Variants in MACROD2 observed in about 807,000 individuals in gnomAD.
MACROD2 encodes mono-ADP ribosylhydrolase 2.
MACROD2 carries 36 observed loss-of-function variants against 70.4 expected under a neutral mutation model. The ratio of observed to expected loss-of-function variants is 0.51; its 90% confidence interval spans 0.39 to 0.68. MACROD2 has a LOEUF of 0.68. Among genes scored for constraint, MACROD2 ranks in the 30% least tolerant of loss-of-function variants. The pLI is 0.00. For missense variants in MACROD2, 496 were observed against 538.4 expected (o/e 0.92, Z 0.78); for synonymous variants, 172 against 178.8 (o/e 0.96, Z 0.30).
intron 13 of MACROD2, among the ~76,000 whole-genome samples, chr20:15,971,074 C>T (rs975022068): frequency 6.6e-6 from 1 of 152,114 alleles, no homozygotes; most frequent in African/African-American, 2.4e-5. Context: ...ACCAGGCATG[C>T]AAAGAATTAT....
intron 5 of MACROD2, among the ~76,000 whole-genome samples, chr20:15,013,518 G>A (rs1037516874): frequency 2.0e-5 from 3 of 152,190 alleles, no homozygotes; most frequent in Admixed American, 6.5e-5. Flanking sequence ...GAGAGCTACC[G>A]TGCGCAAGGC....
chr20:14,575,695 A>C (rs1488447675), intron 4 of MACROD2, among the ~76,000 whole-genome samples: 1 of 152,218 alleles, frequency 6.6e-6, no homozygotes, highest in Non-Finnish European at 1.5e-5. Flanking sequence ...ACATTTTATA[A>C]ATAAAATTTT....
At chr20:14,625,730 A>G (rs1054347272) in intron 4 of MACROD2, among the ~76,000 whole-genome samples, 2 of 152,178 alleles carry the variant, frequency 1.3e-5, no homozygotes, top group Non-Finnish European at 2.9e-5. Context: ...TTGTCAATGA[A>G]TATCATCAGC....
chr20:15,651,127 C>T (rs190052488), intron 8 of MACROD2, among the ~76,000 whole-genome samples: 82 of 152,290 alleles, frequency 5.4e-4, no homozygotes, highest in African/African-American at 1.8e-3. Flanking sequence ...TTGGTAAACA[C>T]CAACTTCTGA....
At chr20:15,452,043 T>A (rs538978246) in intron 7 of MACROD2, among the ~76,000 whole-genome samples, 1 of 152,278 alleles carries the variant, frequency 6.6e-6, no homozygotes, top group East Asian at 1.9e-4. Flanking sequence ...TAACGGAGTG[T>A]CTGTCTGTGC....
chr20:14,588,817 C>A (rs1231475688), intron 4 of MACROD2, among the ~76,000 whole-genome samples: 1 of 152,144 alleles, frequency 6.6e-6, no homozygotes, highest in Admixed American at 6.6e-5. Flanking sequence ...GAGCATGTAG[C>A]ATTTTATAAA....
intron 5 of MACROD2, among the ~76,000 whole-genome samples, chr20:15,210,710 C>A (rs1431650596): frequency 6.6e-6 from 1 of 152,074 alleles, no homozygotes; most frequent in African/African-American, 2.4e-5. Flanking sequence ...CCTTGCTCTT[C>A]CTGTGATAGT....
chr20:14,915,930 G>A (rs2074086155), intron 5 of MACROD2, among the ~76,000 whole-genome samples: 1 of 151,996 alleles, frequency 6.6e-6, no homozygotes, highest in Admixed American at 6.6e-5. Context: ...ATGGTAAACA[G>A]GTCTCATTTC....
chr20:14,552,082 G>A (rs1978689506), intron 4 of MACROD2, among the ~76,000 whole-genome samples: 1 of 151,482 alleles, frequency 6.6e-6, no homozygotes, highest in African/African-American at 2.4e-5. Flanking sequence ...AATGACAAAG[G>A]CTTCTCCTCA....
intron 8 of MACROD2, among the ~76,000 whole-genome samples, chr20:15,510,045 T>C (rs563322561): frequency 1.6e-4 from 24 of 152,304 alleles, no homozygotes; most frequent in East Asian, 1.5e-3. Flanking sequence ...ATCTTTAGAG[T>C]TGATATTAAC....
At chr20:14,575,892 C>T (rs1338092323) in intron 4 of MACROD2, among the ~76,000 whole-genome samples, 1 of 152,106 alleles carries the variant, frequency 6.6e-6, no homozygotes, top group Non-Finnish European at 1.5e-5. Context: ...ATTTATCTTT[C>T]TGTCGAACAA....
At chr20:15,626,840 A>G (rs1418025984) in intron 8 of MACROD2, among the ~76,000 whole-genome samples, 1 of 152,030 alleles carries the variant, frequency 6.6e-6, no homozygotes, top group African/African-American at 2.4e-5. Context: ...GGGCAACAGA[A>G]CAAGACTCCA....
chr20:14,318,107 G>A (rs553361426), intron 3 of MACROD2, among the ~76,000 whole-genome samples: 2 of 152,152 alleles, frequency 1.3e-5, no homozygotes, highest in Non-Finnish European at 1.5e-5. Flanking sequence ...TTCCAGCAGT[G>A]ATTCCATGCT....
At chr20:15,479,050 A>G (rs908099973) in intron 7 of MACROD2, among the ~76,000 whole-genome samples, 7 of 152,214 alleles carry the variant, frequency 4.6e-5, no homozygotes, top group Non-Finnish European at 2.9e-5. Flanking sequence ...GTAAAGCACT[A>G]AAGACTTCCT....
intron 5 of MACROD2, among the ~76,000 whole-genome samples, chr20:14,837,625 AAG>A (rs2073043683): frequency 6.6e-6 from 1 of 152,086 alleles, no homozygotes; most frequent in Non-Finnish European, 1.5e-5. Flanking sequence ...TACTTGAGAT[AAG>A]AGTGACCATA....
chr20:15,249,403 G>A lies in MACROD2; in HGVS notation c.540+19342G>A, dbSNP rs117545500. 4.1e-4 allele frequency among the ~76,000 whole-genome samples: 63 copies of A among 152,244 alleles called. 1 individual carries two copies. The East Asian group carries it at 0.012, about 28-fold the overall frequency. The stretch of plus-strand genomic sequence containing the variant: ...ACTTTAAGGTTTTTAAAATTTCTTT[G>A]TAACTTTTTGCACATCCTGCCAGAA... On this transcript the variant is annotated intron_variant, in intron 6 of 17. Coordinates refer to ENST00000684519, the MANE Select transcript of MACROD2 (RefSeq NM_001351661.2).
intron 5 of MACROD2, among the ~76,000 whole-genome samples, chr20:15,052,620 C>T (rs796604856): frequency 9.8e-5 from 15 of 152,292 alleles, no homozygotes; most frequent in African/African-American, 3.4e-4. Flanking sequence ...CTCCACTGAC[C>T]TGTCATTCCC....
At chr20:14,370,069 C>T (rs1044895550) in intron 3 of MACROD2, among the ~76,000 whole-genome samples, 1 of 152,010 alleles carries the variant, frequency 6.6e-6, no homozygotes, top group African/African-American at 2.4e-5. Context: ...TCTTCAAGAC[C>T]TTATTATTAG....
At chr20:15,747,480 T>G (rs930364943) in intron 8 of MACROD2, among the ~76,000 whole-genome samples, 1 of 152,186 alleles carries the variant, frequency 6.6e-6, no homozygotes, top group Admixed American at 6.5e-5. Context: ...CTGTGTTTAA[T>G]GCCAAACTAA....
Sources: allele counts gnomAD v4.1 joint callset (sites outside exome capture counted in the v4.1 genomes callset), GRCh38; gene constraint gnomAD v4.1.1; transcripts MANE v1.5; gene names NCBI Gene and HGNC (gene_info 2026-07-23, HGNC 2026-07-21).